ADCY8: variants seen among roughly 807,000 people sequenced by gnomAD.
The protein encoded by ADCY8 is adenylate cyclase type 8.
A neutral mutation model predicts 119.7 loss-of-function variants in ADCY8; 51 were observed. That is an observed-to-expected ratio of 0.43 (90% CI 0.34 to 0.54). ADCY8 has a LOEUF of 0.54. Ranked by LOEUF, ADCY8 falls within the 20% of genes least tolerant of loss-of-function variation. The probability of loss-of-function intolerance (pLI) is 0.03; values close to 1 mark genes in which losing one functional copy is unlikely to be tolerated. For synonymous variants in ADCY8, 665 were observed against 651.0 expected, an observed-to-expected ratio of 1.02 and a Z score of -0.33; for missense variants, 1,383 against 1,598.8, an observed-to-expected ratio of 0.87 and a Z score of 2.30.
At chr8:131,009,867 G>C (rs539551904) in intron 1 of ADCY8, among the ~76,000 whole-genome samples, 4 of 152,288 alleles carry the variant, frequency 2.6e-5, no homozygotes, top group African/African-American at 9.6e-5. Flanking sequence ...GAAGCATTTG[G>C]GGAGGTAAAA....
At chr8:130,822,727 G>C (rs1474335445) in intron 12 of ADCY8, among the ~76,000 whole-genome samples, 1 of 152,166 alleles carries the variant, frequency 6.6e-6, no homozygotes, top group African/African-American at 2.4e-5. Flanking sequence ...AAAGATTAAA[G>C]ACATGAGGTT....
At position 130,866,038 on chromosome 8, in the gene ADCY8, T is replaced by G. The variant is rs1192175668; in HGVS notation, c.2210+1808A>C. Reference sequence around the variant, plus strand: ...GTGTGACATGCCCAGTACTTCTTTCTGCTTTCTCCCATACAGGTACTGATA... The same window carrying G: ...GTGTGACATGCCCAGTACTTCTTTCGGCTTTCTCCCATACAGGTACTGATA... On this transcript the variant is annotated intron_variant, in intron 9 of 17. Coordinates refer to ENST00000286355, the MANE Select transcript of ADCY8 (RefSeq NM_001115.3). 2.6e-5 allele frequency among the ~76,000 whole-genome samples: 4 copies of G among 152,206 alleles called. No homozygotes were observed. In the East Asian group the frequency reaches 7.7e-4, roughly 29 times the overall value.
At chr8:130,986,508 G>T (rs1368825408) in intron 2 of ADCY8, among the ~76,000 whole-genome samples, 1 of 152,182 alleles carries the variant, frequency 6.6e-6, no homozygotes, top group Non-Finnish European at 1.5e-5. Context: ...GTAATAAAGT[G>T]GGATGCATTC....
Position 131,040,124 on chromosome 8 carries a change from G to A in ADCY8, c.210C>T (p.Asp70=). 6.5e-7 allele frequency: 1 copy of A among 1,531,886 alleles called. No individual in the cohort carries two copies. The highest frequency in any genetic ancestry group is 2.4e-5 in the East Asian group (1 of 40,850). The allele number at this position is 1,531,886 out of a possible 1,614,324, so 94.9% of individuals were successfully genotyped here. ...GGTGGTTGGGGCCGCCGCCCGCAGGGTCCGAGGCTTTGCCCGAGCCTCCAC... is the reference window on the plus strand; with the variant it reads ...GGTGGTTGGGGCCGCCGCCCGCAGGATCCGAGGCTTTGCCCGAGCCTCCAC... ...SGSGGSGKAS[D]PAGGGPNHHA... is the part of the protein sequence containing the mutation. The change falls in exon 1 of 18, where the codon GAC becomes GAT. Residue 70 remains aspartate, a synonymous_variant. Coordinates refer to ENST00000286355, the MANE Select transcript of ADCY8 (RefSeq NM_001115.3).
At chr8:130,992,383 AT>A (rs1822610479) in intron 1 of ADCY8, among the ~76,000 whole-genome samples, 1 of 4,094 alleles carries the variant, frequency 2.4e-4, no homozygotes, top group Non-Finnish European at 5.3e-4. Context: ...TGTATCTGGC[AT>A]ATATATATAT....
At chr8:130,925,770 C>T (rs1820447357) in intron 5 of ADCY8, among the ~76,000 whole-genome samples, 1 of 152,168 alleles carries the variant, frequency 6.6e-6, no homozygotes, top group Non-Finnish European at 1.5e-5. Flanking sequence ...TTGTATGTCA[C>T]ATATTGTCTG....
chr8:130,886,199 T>C (rs1158498035), intron 7 of ADCY8, among the ~76,000 whole-genome samples: 1 of 152,138 alleles, frequency 6.6e-6, no homozygotes, highest in Non-Finnish European at 1.5e-5. Context: ...TAGACTTTAC[T>C]GAAACCCTCT....
chr8:130,943,213 G>T (rs1194424584), intron 4 of ADCY8, 138 bp downstream of exon 4: 5 of 583,074 alleles, frequency 8.6e-6, no homozygotes, highest in African/African-American at 7.4e-5. Flanking sequence ...GAATGTGAGA[G>T]GGTCAGGGTC....
intron 2 of ADCY8, among the ~76,000 whole-genome samples, chr8:130,964,497 T>C (rs866157522): frequency 9.2e-5 from 14 of 152,214 alleles, no homozygotes; most frequent in African/African-American, 3.1e-4. Context: ...GCCCTTTGCA[T>C]GATAATGAAA....
chr8:130,818,569 T>A (rs1051365156), intron 13 of ADCY8, among the ~76,000 whole-genome samples: 2 of 152,248 alleles, frequency 1.3e-5, no homozygotes, highest in African/African-American at 4.8e-5. Context: ...CCTCTGGAGA[T>A]GTTTAATTAC....
At chr8:130,984,593 C>G (rs1822341246) in intron 2 of ADCY8, among the ~76,000 whole-genome samples, 1 of 151,654 alleles carries the variant, frequency 6.6e-6, no homozygotes, top group South Asian at 2.1e-4. Flanking sequence ...GATTAGTATA[C>G]ACTGGTTAGT....
intron 3 of ADCY8, among the ~76,000 whole-genome samples, chr8:130,945,642 A>G (rs1473554449): frequency 1.3e-5 from 2 of 152,256 alleles, no homozygotes; most frequent in East Asian, 3.8e-4. Context: ...CATTTTACAA[A>G]ATTATACTAT....
At chr8:131,023,353 A>G (rs995716186) in intron 1 of ADCY8, among the ~76,000 whole-genome samples, 2 of 152,170 alleles carry the variant, frequency 1.3e-5, no homozygotes, top group Non-Finnish European at 2.9e-5. Flanking sequence ...AGGAACATCT[A>G]AGTTAAGTCC....
chr8:130,783,120 T>C (rs1410540380), intron 17 of ADCY8, among the ~76,000 whole-genome samples: 1 of 79,810 alleles, frequency 1.3e-5, no homozygotes, highest in African/African-American at 7.3e-5. Flanking sequence ...GTGGAAGGAA[T>C]GGCAAATATA....
intron 2 of ADCY8, among the ~76,000 whole-genome samples, chr8:130,963,094 C>T (rs1821654858): frequency 6.6e-6 from 1 of 150,680 alleles, no homozygotes; most frequent in Non-Finnish European, 1.5e-5. Context: ...AGTGAAGACC[C>T]AAGCCCGTGT....
intron 2 of ADCY8, among the ~76,000 whole-genome samples, chr8:130,958,475 C>T (rs184361698): frequency 3.7e-4 from 57 of 152,152 alleles, no homozygotes; most frequent in Admixed American, 3.1e-3. Context: ...CTAATGAAGA[C>T]GTATCTGAGA....
At chr8:130,844,318 C>G (rs776120726) in intron 11 of ADCY8, among the ~76,000 whole-genome samples, 29 of 152,152 alleles carry the variant, frequency 1.9e-4, no homozygotes, top group Non-Finnish European at 4.1e-4. Flanking sequence ...TGGAATATAG[C>G]TTTCTTTACT....
chr8:130,997,016 T>C (rs1822799280), intron 1 of ADCY8, among the ~76,000 whole-genome samples: 1 of 152,022 alleles, frequency 6.6e-6, no homozygotes, highest in Non-Finnish European at 1.5e-5. Flanking sequence ...TCATGAAAAA[T>C]TTATAAATGG....
At chr8:131,036,932 G>C (rs1357928298) in intron 1 of ADCY8, among the ~76,000 whole-genome samples, 1 of 152,168 alleles carries the variant, frequency 6.6e-6, no homozygotes, top group East Asian at 1.9e-4. Context: ...TACTCGAGTT[G>C]CTATAAGAAG....
Sources: gnomAD v4.1 joint callset for allele counts (sites outside exome capture counted in the v4.1 genomes callset) on GRCh38, gnomAD v4.1.1 for gene constraint, MANE v1.5 for transcripts, NCBI Gene and HGNC (gene_info 2026-07-23, HGNC 2026-07-21) for gene names.